Variants in NRG1 observed in about 807,000 individuals in gnomAD.
NRG1 encodes neuregulin 1.
A neutral mutation model predicts 63.8 loss-of-function variants in NRG1; 18 were observed. The observed-to-expected ratio is 0.28, with a 90% confidence interval of 0.19 to 0.42. The LOEUF (loss-of-function observed/expected upper bound fraction) is 0.42. Ranked by LOEUF, NRG1 falls within the 10% of genes least tolerant of loss-of-function variation. The pLI, the probability that NRG1 is intolerant of heterozygous loss-of-function variation, is 1.00. For synonymous variants in NRG1, 302 were observed against 301.3 expected, an observed-to-expected ratio of 1.00 and a Z score of -0.02; for missense variants, 762 against 814.7, an observed-to-expected ratio of 0.94 and a Z score of 0.79.
In NRG1 at chr8:32,396,609, CG is replaced by C. The variant is rs575230115; in HGVS notation, c.38-199217del. On this transcript the variant is annotated intron_variant, in intron 1 of 10. Transcript: ENST00000519301. ...GATTACAGGTGCCAGCCACCACACC[CG>C]GTTCATTTTGTATTTTTAATAGCAA... Among the ~76,000 whole-genome samples the C allele has an allele frequency of 2.5e-3, 379 of 152,114 alleles. 3 individuals are homozygous for C. The highest frequency in any genetic ancestry group is 9.0e-3 in the African/African-American group (372 of 41,492).
chr8:32,048,849 T>C (rs1033262555), intron 1 of NRG1, among the ~76,000 whole-genome samples: 1 of 152,010 alleles, frequency 6.6e-6, no homozygotes, highest in Non-Finnish European at 1.5e-5. Context: ...GAGTTCCTTA[T>C]ATATTTTGGA....
chr8:32,335,299 T>C (rs1051728546), intron 1 of NRG1, among the ~76,000 whole-genome samples: 1 of 152,214 alleles, frequency 6.6e-6, no homozygotes, highest in African/African-American at 2.4e-5. Flanking sequence ...CTTTCCCAAA[T>C]TCATTTATAA....
intron 1 of NRG1, among the ~76,000 whole-genome samples, chr8:31,823,936 G>A (rs1824251696): frequency 1.3e-5 from 2 of 152,096 alleles, no homozygotes; most frequent in Non-Finnish European, 2.9e-5. Context: ...AACTCCAAAG[G>A]TCTTGGTTCT....
At chr8:31,664,361 G>C (rs1806310134) in intron 1 of NRG1, among the ~76,000 whole-genome samples, 1 of 152,198 alleles carries the variant, frequency 6.6e-6, no homozygotes, top group African/African-American at 2.4e-5. Flanking sequence ...GAAGCAGGGA[G>C]TACCAACGCA....
rs1282542396 is a variant in NRG1 at position 31,670,227 on chromosome 8, G to C, written c.37+30796G>C. 5.9e-5 allele frequency among the ~76,000 whole-genome samples: 9 copies of C among 152,144 alleles called. No individual in the cohort carries two copies. The East Asian group carries it at 1.5e-3, about 26-fold the overall frequency. On this transcript the variant is annotated intron_variant, in intron 1 of 10. Transcript: ENST00000519301. ...TTTTTAGGACAAAAACTTACTAAAA[G>C]TCATCCATCCAGCACTGAGTTCTTA...
intron 1 of NRG1, among the ~76,000 whole-genome samples, chr8:31,895,430 C>T (rs1831502580): frequency 6.6e-6 from 1 of 152,212 alleles, no homozygotes; most frequent in African/African-American, 2.4e-5. Context: ...AATGTCATTT[C>T]CCCTTTGGCT....
At chr8:32,739,533 T>C (rs1222793837) in intron 6 of NRG1, among the ~76,000 whole-genome samples, 1 of 152,190 alleles carries the variant, frequency 6.6e-6, no homozygotes, top group Non-Finnish European at 1.5e-5. Flanking sequence ...TATGATTTTA[T>C]GATAGAGATA....
intron 1 of NRG1, among the ~76,000 whole-genome samples, chr8:31,647,815 A>G (rs986634752): frequency 2.0e-5 from 3 of 152,196 alleles, no homozygotes; most frequent in Non-Finnish European, 4.4e-5. Context: ...CAGGAACACT[A>G]GCACCTTTCT....
At chr8:31,668,300 T>A (rs1407237579) in intron 1 of NRG1, among the ~76,000 whole-genome samples, 1 of 152,222 alleles carries the variant, frequency 6.6e-6, no homozygotes, top group African/African-American at 2.4e-5. Flanking sequence ...GCTCAGTGGC[T>A]GAAATGAAGT....
chr8:31,725,477 T>G (rs1175600857), intron 1 of NRG1, among the ~76,000 whole-genome samples: 1 of 151,964 alleles, frequency 6.6e-6, no homozygotes, highest in Non-Finnish European at 1.5e-5. Context: ...TGTCAGCATT[T>G]CTGTGCAAAA....
chr8:31,805,263 G>A (rs753207119), intron 1 of NRG1, among the ~76,000 whole-genome samples: 7 of 151,758 alleles, frequency 4.6e-5, no homozygotes, highest in South Asian at 2.1e-4. Context: ...TCTTATTTGT[G>A]CTTTAAATTA....
intron 1 of NRG1, among the ~76,000 whole-genome samples, chr8:32,159,041 G>A (rs1304534403): frequency 2.0e-5 from 3 of 152,082 alleles, no homozygotes; most frequent in African/African-American, 7.2e-5. Context: ...CTTATTGTGA[G>A]GAAAAGAATG....
chr8:32,756,959 C>T (rs1234993194), intron 9 of NRG1, among the ~76,000 whole-genome samples: 1 of 152,184 alleles, frequency 6.6e-6, no homozygotes, highest in Non-Finnish European at 1.5e-5. Flanking sequence ...TAGGGCAATT[C>T]ACAGTGCCTG....
intron 1 of NRG1, among the ~76,000 whole-genome samples, chr8:31,837,479 C>T (rs908618331): frequency 6.6e-6 from 1 of 152,032 alleles, no homozygotes; most frequent in Non-Finnish European, 1.5e-5. Flanking sequence ...GCATATCAAT[C>T]ACCTTAAACA....
chr8:31,869,755 A>G (rs376556146), intron 1 of NRG1, among the ~76,000 whole-genome samples: 1 of 152,184 alleles, frequency 6.6e-6, no homozygotes, highest in African/African-American at 2.4e-5. Flanking sequence ...AAATGATGGA[A>G]TTGTTAAGTT....
intron 1 of NRG1, among the ~76,000 whole-genome samples, chr8:32,014,779 A>C (rs768013906): frequency 9.5e-5 from 14 of 147,056 alleles, no homozygotes; most frequent in Non-Finnish European, 2.1e-4. Flanking sequence ...CCTTAATTGG[A>C]AATAAGGTCT....
At chr8:32,467,625 G>A (rs949947687) in intron 1 of NRG1, among the ~76,000 whole-genome samples, 2 of 152,190 alleles carry the variant, frequency 1.3e-5, no homozygotes, top group African/African-American at 4.8e-5. Context: ...TTACGCTAAA[G>A]TAGATACAAG....
At chr8:32,202,091 CAAAG>C (rs1051896790) in intron 1 of NRG1, among the ~76,000 whole-genome samples, 2 of 152,172 alleles carry the variant, frequency 1.3e-5, no homozygotes, top group East Asian at 3.9e-4. Context: ...CAGCTAGAGT[CAAAG>C]AAAAGTGGAT....
chr8:32,348,930 A>G (rs1301358009), intron 1 of NRG1, among the ~76,000 whole-genome samples: 2 of 152,230 alleles, frequency 1.3e-5, no homozygotes, highest in African/African-American at 4.8e-5. Flanking sequence ...TGAGGACAAG[A>G]TCCAAACATT....
Sources: gnomAD v4.1 joint callset for allele counts (sites outside exome capture counted in the v4.1 genomes callset) on GRCh38, gnomAD v4.1.1 for gene constraint, MANE v1.5 for transcripts, NCBI Gene and HGNC (gene_info 2026-07-23, HGNC 2026-07-21) for gene names.